The following CDH13 variants were observed in gnomAD, a reference collection of about 807,000 sequenced individuals.
CDH13 encodes the protein cadherin 13, also known as cadherin-13.
In CDH13, 24 loss-of-function variants were observed where a neutral mutation model predicts 63.8. The observed-to-expected ratio is 0.38, with a 90% CI of 0.27 to 0.53. The LOEUF is 0.53. Ranked by LOEUF, CDH13 falls within the 20% of genes least tolerant of loss-of-function variation. The pLI is 0.85. For synonymous variants in CDH13, 503 were observed against 355.3 expected (o/e 1.42, Z -4.67); for missense variants, 1,049 against 903.1 (o/e 1.16, Z -2.07).
chr16:82,831,814 A>C (rs2038553919), intron 1 of CDH13, among the ~76,000 whole-genome samples: 1 of 152,216 alleles, frequency 6.6e-6, no homozygotes, highest in Non-Finnish European at 1.5e-5. Context: ...TTTTTAAATG[A>C]CATCTAAGGG....
chr16:82,680,251 T>C (rs777874104), intron 1 of CDH13, among the ~76,000 whole-genome samples: 8 of 152,332 alleles, frequency 5.3e-5, no homozygotes, highest in East Asian at 1.9e-4. Flanking sequence ...ATAACTGGCA[T>C]TTACTGAGCA....
At chr16:83,319,408 G>C (rs778820639) in intron 5 of CDH13, among the ~76,000 whole-genome samples, 1 of 152,138 alleles carries the variant, frequency 6.6e-6, no homozygotes, top group African/African-American at 2.4e-5. Flanking sequence ...AGCCAGAGAC[G>C]GAAAGCAGCT....
chr16:83,324,926 C>G (rs2090325609), intron 5 of CDH13, among the ~76,000 whole-genome samples: 2 of 152,188 alleles, frequency 1.3e-5, no homozygotes. Context: ...GCCCCACTCA[C>G]CTCTTCAGGC....
At chr16:83,108,264 C>G (rs1334718407) in intron 3 of CDH13, among the ~76,000 whole-genome samples, 2 of 152,112 alleles carry the variant, frequency 1.3e-5, no homozygotes, top group African/African-American at 4.8e-5. Context: ...AGAGGAAGGA[C>G]CCTTAGGTGG....
At chr16:83,672,250 C>T (rs1914560265) in intron 9 of CDH13, among the ~76,000 whole-genome samples, 1 of 151,902 alleles carries the variant, frequency 6.6e-6, no homozygotes, top group Non-Finnish European at 1.5e-5. Flanking sequence ...GCTTATAAAC[C>T]ACAGACATCC....
Position 82,793,194 on chromosome 16 carries a change from C to T in CDH13, c.46-65168C>T, listed in dbSNP as rs566010903. ...GCATCACCCAGTGAAGCCATTGTGT[C>T]GCCTGTTAGTAATGAGCATTTGCAA... On this transcript the variant is annotated intron_variant, in intron 1 of 13. Coordinates refer to ENST00000567109, the MANE Select transcript of CDH13 (RefSeq NM_001257.5). Among the ~76,000 whole-genome samples, 16 of 152,292 alleles carry T rather than the reference C, an allele frequency of 1.1e-4. No individual in the cohort carries two copies. In the South Asian group the frequency reaches 2.1e-3, roughly 20 times the overall value.
At chr16:83,408,609 T>A (rs1014914853) in intron 6 of CDH13, among the ~76,000 whole-genome samples, 2 of 152,238 alleles carry the variant, frequency 1.3e-5, no homozygotes, top group African/African-American at 4.8e-5. Context: ...TATAATCTAA[T>A]GAGACAACTT....
At chr16:83,579,699 G>T (rs930616451) in intron 7 of CDH13, among the ~76,000 whole-genome samples, 6 of 152,086 alleles carry the variant, frequency 3.9e-5, no homozygotes, top group African/African-American at 1.4e-4. Context: ...TTCAGCACCT[G>T]TCATCCCTGG....
intron 3 of CDH13, among the ~76,000 whole-genome samples, chr16:83,090,246 G>T (rs1423011827): frequency 6.6e-6 from 1 of 152,106 alleles, no homozygotes; most frequent in Non-Finnish European, 1.5e-5. Context: ...CCCTGGTTCA[G>T]ACCATCCCAA....
chr16:83,019,308 C>T (rs4471667), intron 2 of CDH13, among the ~76,000 whole-genome samples: 62,455 of 151,598 alleles, frequency 0.41, 13,184 homozygotes, highest in Admixed American at 0.45. Context: ...GACATGAACA[C>T]ATACATTTGC....
intron 7 of CDH13, among the ~76,000 whole-genome samples, chr16:83,510,504 T>C (rs770731859): frequency 7.9e-5 from 12 of 152,190 alleles, no homozygotes; most frequent in East Asian, 1.9e-4. Context: ...TTTCTCAAAA[T>C]GCTACCAGGA....
At position 82,897,494 on chromosome 16, in the gene CDH13, A is replaced by G. The variant is rs556028130; in HGVS notation, c.157+39021A>G. Among the ~76,000 whole-genome samples the G allele has an allele frequency of 7.2e-5, 11 of 152,382 alleles. No homozygotes were observed. In the South Asian group the frequency reaches 1.9e-3, roughly 26 times the overall value. On this transcript the variant is annotated intron_variant, in intron 2 of 13. Transcript: ENST00000567109. The stretch of plus-strand genomic sequence containing the variant: ...TCTCTCAGCTACTTTATTACTGAGA[A>G]TTTATCTGTACTGTCTAGTTTTACA...
chr16:83,477,506 C>G (rs748379194), intron 6 of CDH13, among the ~76,000 whole-genome samples: 1 of 152,148 alleles, frequency 6.6e-6, no homozygotes. Context: ...CACCTCAAAC[C>G]TGTATCAGGA....
chr16:83,217,514 C>G lies in CDH13; in HGVS notation c.636+17C>G. The G allele has an allele frequency of 6.2e-7, 1 of 1,607,054 alleles. No individual in the cohort carries two copies. Among genetic ancestry groups the G allele is most frequent in the East Asian group, 2.2e-5 (1 of 44,710 alleles). ...GTTTATCAAGTGAGTACCCCTCTCC[C>G]ATGCCCACCCTGTGCGCAGAAATGT... On this transcript the variant is annotated intron_variant, in intron 5 of 13. Coordinates refer to ENST00000567109, the MANE Select transcript of CDH13 (RefSeq NM_001257.5).
intron 2 of CDH13, among the ~76,000 whole-genome samples, chr16:82,967,950 G>C (rs1273058060): frequency 6.6e-6 from 1 of 152,046 alleles, no homozygotes; most frequent in Admixed American, 6.5e-5. Flanking sequence ...ACTGATTCTA[G>C]GCTTCTTTGA....
chr16:83,277,604 T>G (rs142484174), intron 5 of CDH13, among the ~76,000 whole-genome samples: 60 of 152,248 alleles, frequency 3.9e-4, no homozygotes, highest in African/African-American at 1.4e-3. Context: ...CCCTCTCATA[T>G]CTCATGTATA....
intron 8 of CDH13, among the ~76,000 whole-genome samples, chr16:83,650,818 A>G (rs1402180837): frequency 6.6e-6 from 1 of 152,206 alleles, no homozygotes; most frequent in Non-Finnish European, 1.5e-5. Flanking sequence ...AATGCCTGTT[A>G]TCTTAACATT....
intron 5 of CDH13, among the ~76,000 whole-genome samples, chr16:83,244,235 G>A (rs1904760818): frequency 6.6e-6 from 1 of 151,996 alleles, no homozygotes; most frequent in Admixed American, 6.6e-5. Flanking sequence ...GGCTGAGACT[G>A]CACACTTTAA....
intron 1 of CDH13, among the ~76,000 whole-genome samples, chr16:82,641,432 G>T (rs1909382165): frequency 2.6e-5 from 4 of 152,152 alleles, no homozygotes; most frequent in African/African-American, 7.2e-5. Flanking sequence ...TAGAGCTAAT[G>T]GTAACAGAAA....
Sources: gnomAD v4.1 joint callset for allele counts (sites outside exome capture counted in the v4.1 genomes callset) on GRCh38, gnomAD v4.1.1 for gene constraint, MANE v1.5 for transcripts, NCBI Gene and HGNC (gene_info 2026-07-23, HGNC 2026-07-21) for gene names.